The following SPAG1 variants were observed in gnomAD, a reference collection of about 807,000 sequenced individuals.
SPAG1 encodes the protein sperm-associated antigen 1.
A neutral mutation model predicts 100.5 loss-of-function variants in SPAG1; 69 were observed. That is an observed-to-expected ratio of 0.69 (90% confidence interval 0.57 to 0.84). The LOEUF (loss-of-function observed/expected upper bound fraction) is 0.84. Among genes scored for constraint, SPAG1 ranks in the 40% least tolerant of loss-of-function variants. The pLI is 0.00. For synonymous variants in SPAG1, 336 were observed against 411.6 expected, an observed-to-expected ratio of 0.82 and a Z score of 2.22; for missense variants, 955 against 1,133.1, an observed-to-expected ratio of 0.84 and a Z score of 2.26.
At chr8:100,189,804 T>C (rs1816739819) in intron 8 of SPAG1, among the ~76,000 whole-genome samples, 1 of 152,240 alleles carries the variant, frequency 6.6e-6, no homozygotes, top group Non-Finnish European at 1.5e-5. Context: ...CATTATGTCA[T>C]GAATATTTCT....
chr8:100,203,018 T>C (rs1817354730), intron 10 of SPAG1, among the ~76,000 whole-genome samples: 2 of 152,156 alleles, frequency 1.3e-5, no homozygotes, highest in Admixed American at 6.5e-5. Flanking sequence ...CTTGATTGGA[T>C]TGAAGGATAC....
At chr8:100,220,123 C>G (rs1054514449) in intron 12 of SPAG1, among the ~76,000 whole-genome samples, 156 bp from the exon 13 acceptor site, 1 of 152,226 alleles carries the variant, frequency 6.6e-6, no homozygotes, top group African/African-American at 2.4e-5. Context: ...CTTTCTTACT[C>G]TGGGTTTGCC....
At position 100,240,926 on chromosome 8, in the gene SPAG1, G is replaced by A. The variant is rs1477378995; in HGVS notation, c.2685G>A (p.Glu895=). The change falls in exon 19 of 19, where the codon GAG becomes GAA. Residue 895 remains glutamate, a synonymous_variant. Transcript: ENST00000388798. ...MLTLISKGQK[E]LIEQLFEDLS... ...CACTAATTAGCAAGGGCCAAAAGGA[G>A]CTAATTGAACAGCTGTTTGAGGACC... 1 of 1,611,614 alleles carries A rather than the reference G, an allele frequency of 6.2e-7. No individual in the cohort carries two copies. Among genetic ancestry groups the A allele is most frequent in the Non-Finnish European group, 8.5e-7 (1 of 1,179,198 alleles).
rs543044004 is a variant in SPAG1, at chr8:100,194,157, G to T, written c.985G>T (p.Ala329Ser). ...VERDLKNSEA[A>S]SETQTKGKRM... ...AAGAGATCTGAAAAATTCTGAAGCT[G>T]CATCTGAGACTCAAACCAAAGGGAA... Residue 329 changes from alanine (A) to serine (S), a missense_variant, in exon 10 of 19, where the codon GCA (alanine) becomes TCA (serine). Ala to Ser is a moderately conservative substitution (Grantham distance 99, BLOSUM62 1). Transcript: ENST00000388798. 33 of 1,599,460 alleles carry T rather than the reference G, an allele frequency of 2.1e-5. No individual in the cohort carries two copies. In the South Asian group the frequency reaches 3.2e-4, roughly 16 times the overall value.
At position 100,213,223 on chromosome 8, in the gene SPAG1, G is replaced by C. The variant is rs1313126902; in HGVS notation, c.1230G>C (p.Pro410=). The change falls in exon 11 of 19, where the codon CCG becomes CCC. Residue 410 remains proline (P), a synonymous_variant. Transcript: ENST00000388798. ...GCGCGCCGCAGCGGGGCCAGACCCC[G>C]GAGGCCGGCGCGGACAAGCGGAGCC... ...ARGAPQRGQT[P]EAGADKRSPR... is the part of the protein sequence containing the mutation. 7.2e-7 allele frequency: 1 copy of C among 1,393,608 alleles called. No individual in the cohort carries two copies. Among genetic ancestry groups the C allele is most frequent in the Non-Finnish European group, 9.3e-7 (1 of 1,075,298 alleles). The allele number at this position is 1,393,608 out of a possible 1,614,324, so 86.3% of individuals were successfully genotyped here.
At chr8:100,232,230 ACTC>A (rs992251642) in intron 15 of SPAG1, among the ~76,000 whole-genome samples, 2 of 150,016 alleles carry the variant, frequency 1.3e-5, no homozygotes, top group Non-Finnish European at 3.0e-5. Flanking sequence ...TTCTGTGAAG[ACTC>A]CTCCTCCTCT....
At chr8:100,195,933 A>T (rs1817013491) in intron 10 of SPAG1, among the ~76,000 whole-genome samples, 1 of 152,068 alleles carries the variant, frequency 6.6e-6, no homozygotes, top group Non-Finnish European at 1.5e-5. Flanking sequence ...CTCTATTCCT[A>T]TAGCTTTACC....
chr8:100,158,308 C>G (rs1182843863), upstream of SPAG1: 1 of 152,254 alleles, frequency 6.6e-6, no homozygotes, highest in Non-Finnish European at 1.5e-5. Context: ...CCGCGGGGGA[C>G]GGTGGCGGGT....
intron 3 of SPAG1, among the ~76,000 whole-genome samples, chr8:100,176,100 A>G (rs1816099955): frequency 6.6e-6 from 1 of 152,116 alleles, no homozygotes; most frequent in African/African-American, 2.4e-5. Flanking sequence ...ACCTGCTCAG[A>G]CAGATATTCT....
At chr8:100,181,649 C>G (rs546523762) in intron 4 of SPAG1, among the ~76,000 whole-genome samples, 5 of 152,286 alleles carry the variant, frequency 3.3e-5, no homozygotes, top group African/African-American at 9.6e-5. Flanking sequence ...CCCGGCCTTC[C>G]TTGGTTTGTA....
chr8:100,220,745 G>A (rs1203729258), intron 13 of SPAG1, among the ~76,000 whole-genome samples: 1 of 152,068 alleles, frequency 6.6e-6, no homozygotes, highest in African/African-American at 2.4e-5. Context: ...AAATATATGT[G>A]GTGATAAGAG....
In SPAG1 at chr8:100,215,288, A is replaced by C. The variant is rs2132363058; in HGVS notation, c.1535+1370A>C. On this transcript the variant is annotated intron_variant, in intron 12 of 18. Coordinates refer to ENST00000388798, the MANE Select transcript of SPAG1 (RefSeq NM_003114.5). ...AATAAGTTACCTGCCTGGATGGTAA[A>C]TAGCTACATAAATAAAACATTGTTT... 1.3e-5 allele frequency among the ~76,000 whole-genome samples: 2 copies of C among 152,006 alleles called. 1 individual carries two copies. The highest frequency in any genetic ancestry group is 1.3e-4 in the Admixed American group (2 of 15,272).
At chr8:100,237,528 T>C (rs1819059283) in intron 16 of SPAG1, among the ~76,000 whole-genome samples, 1 of 152,208 alleles carries the variant, frequency 6.6e-6, no homozygotes, top group African/African-American at 2.4e-5. Flanking sequence ...TATTCATTTG[T>C]TTACAGGTTT....
At chr8:100,186,291 G>A (rs1355969794) in intron 7 of SPAG1, among the ~76,000 whole-genome samples, 2 of 151,804 alleles carry the variant, frequency 1.3e-5, no homozygotes, top group East Asian at 1.9e-4. Context: ...GGCTGGTCTC[G>A]AACCTCTGGC....
intron 14 of SPAG1, among the ~76,000 whole-genome samples, chr8:100,225,918 G>A (rs945878427): frequency 1.5e-4 from 22 of 150,170 alleles, no homozygotes; most frequent in African/African-American, 4.9e-4. Context: ...CTGCAGTCTC[G>A]ACCTCCTAAG....
intron 12 of SPAG1, among the ~76,000 whole-genome samples, chr8:100,218,045 C>T (rs1233272767): frequency 6.6e-6 from 1 of 152,196 alleles, no homozygotes; most frequent in African/African-American, 2.4e-5. Flanking sequence ...ACCTTGGCCT[C>T]CCAAAGTTCT....
chr8:100,170,800 CATTTATTTATTTATTTATTTATTT>C (rs138359646), intron 3 of SPAG1, among the ~76,000 whole-genome samples: 223 of 113,566 alleles, frequency 2.0e-3, no homozygotes, highest in African/African-American at 6.7e-3. Context: ...TCCAGTCTGC[CATTTATTTATTTATTTATTTATTT>C]ATTTATTTAT....
chr8:100,158,574 C>G (rs1217182497), upstream of SPAG1: 2 of 152,128 alleles, frequency 1.3e-5, no homozygotes, highest in Non-Finnish European at 2.9e-5. Context: ...GTGGGAGAGA[C>G]CCAGCTTTTC....
Position 100,225,252 on chromosome 8 carries a change from G to A in SPAG1, c.1768G>A (p.Val590Met), listed in dbSNP as rs947742121. 6.2e-7 allele frequency: 1 copy of A among 1,613,856 alleles called. No homozygotes were observed. The highest frequency in any genetic ancestry group is 8.5e-7 in the Non-Finnish European group (1 of 1,179,924). ...LSPIPAVPASVPLQAWHPAKE... is the reference protein window; with the variant it reads ...LSPIPAVPASMPLQAWHPAKE... ...ACCTATTCCTGCTGTGCCTGCTTCT[G>A]TGCCACTGCAAGCTTGGCATCCGGC... Residue 590 changes from valine to methionine, a missense_variant, in exon 14 of 19, where the codon GTG becomes ATG. Physicochemically the swap from Val to Met is conservative, Grantham distance 21. Transcript: ENST00000388798.
Sources: gnomAD v4.1 joint callset for allele counts (sites outside exome capture counted in the v4.1 genomes callset) on GRCh38, gnomAD v4.1.1 for gene constraint, MANE v1.5 for transcripts, NCBI Gene and HGNC (gene_info 2026-07-23, HGNC 2026-07-21) for gene names.